NCKAP5: variants seen among roughly 807,000 people sequenced by gnomAD.
The protein encoded by NCKAP5 is nck-associated protein 5.
A neutral mutation model predicts 167.0 loss-of-function variants in NCKAP5; 92 were observed. The ratio of observed to expected loss-of-function variants is 0.55; its 90% CI spans 0.47 to 0.66. The LOEUF (loss-of-function observed/expected upper bound fraction) is 0.66. NCKAP5 is among the 30% of genes least tolerant of loss of function. NCKAP5 has a pLI of 0.00. For missense variants in NCKAP5, 2,378 were observed against 2,315.0 expected (o/e 1.03, Z -0.56); for synonymous variants, 891 against 877.4 (o/e 1.02, Z -0.27).
chr2:132,704,749 C>G (rs890203190), intron 19 of NCKAP5, among the ~76,000 whole-genome samples: 1 of 152,196 alleles, frequency 6.6e-6, no homozygotes, highest in Non-Finnish European at 1.5e-5. Flanking sequence ...CTTAACTCCA[C>G]TGCCCCTCTC....
chr2:133,594,253 G>T, the NCKAP5 span, among the ~76,000 whole-genome samples: 2 of 152,206 alleles, frequency 1.3e-5, no homozygotes, highest in Admixed American at 1.3e-4. Flanking sequence ...GTGTGTGGCT[G>T]ACTCTCGACT....
chr2:133,362,748 T>TTTG lies in NCKAP5; in HGVS notation c.70-59641_70-59639dup, dbSNP rs80322357. Among the ~76,000 whole-genome samples, 340 of 151,286 alleles carry TTTG rather than the reference T, an allele frequency of 2.2e-3. 3 individuals carry two copies. The highest frequency in any genetic ancestry group is 3.4e-3 in the Middle Eastern group (1 of 292). ...AGCCAGATATGTAATCATGTATTTCTTTGTTGTTGTTGTTGTTGTTGTTGA... is the reference window on the plus strand; with the variant it reads ...AGCCAGATATGTAATCATGTATTTCTTTGTTGTTGTTGTTGTTGTTGTTGTTGA... On this transcript the variant is annotated intron_variant, in intron 3 of 19. Coordinates refer to ENST00000409261, the MANE Select transcript of NCKAP5 (RefSeq NM_207363.3).
At chr2:133,340,187 G>T (rs1430787777) in intron 3 of NCKAP5, among the ~76,000 whole-genome samples, 1 of 152,208 alleles carries the variant, frequency 6.6e-6, no homozygotes, top group Non-Finnish European at 1.5e-5. Context: ...CACAGCAGTA[G>T]CAAGTTATTC....
chr2:132,828,127 C>T (rs576182025), intron 11 of NCKAP5, among the ~76,000 whole-genome samples: 1 of 152,258 alleles, frequency 6.6e-6, no homozygotes, highest in East Asian at 1.9e-4. Flanking sequence ...ACAGTCCTCG[C>T]CAGACTGAAT....
intron 2 of NCKAP5, among the ~76,000 whole-genome samples, chr2:133,538,206 C>T (rs1685906842): frequency 6.6e-6 from 1 of 152,098 alleles, no homozygotes; most frequent in Non-Finnish European, 1.5e-5. Context: ...ATTATGCTAA[C>T]ATTGTTGAAG....
chr2:133,286,176 T>G (rs984903201), intron 4 of NCKAP5, among the ~76,000 whole-genome samples: 2 of 152,054 alleles, frequency 1.3e-5, no homozygotes, highest in Non-Finnish European at 2.9e-5. Context: ...TTTTTGTATT[T>G]TTTAGTAGAG....
At chr2:133,151,419 C>G (rs962634462) in intron 5 of NCKAP5, among the ~76,000 whole-genome samples, 3 of 151,896 alleles carry the variant, frequency 2.0e-5, no homozygotes, top group African/African-American at 7.3e-5. Context: ...GATGGGTATA[C>G]AAAATATACA....
Position 133,367,739 on chromosome 2 carries a change from G to T in NCKAP5, c.70-64629C>A, listed in dbSNP as rs140825238. 5.5e-3 allele frequency among the ~76,000 whole-genome samples: 835 copies of T among 152,184 alleles called. 11 individuals are homozygous for T. The highest frequency in any genetic ancestry group is 0.019 in the African/African-American group (779 of 41,508). ...TCAAATACATTAATAGTTCTGAAGT[G>T]AGTCATATAAAAATTCACACTAGAT... is the stretch of plus-strand genomic sequence containing the variant. On this transcript the variant is annotated intron_variant, in intron 3 of 19. Coordinates refer to ENST00000409261, the MANE Select transcript of NCKAP5 (RefSeq NM_207363.3).
At chr2:132,733,273 G>T (rs773630516) in intron 16 of NCKAP5, among the ~76,000 whole-genome samples, 1 of 152,164 alleles carries the variant, frequency 6.6e-6, no homozygotes, top group Non-Finnish European at 1.5e-5. Context: ...CATCTTAGAA[G>T]CATCTTACAA....
At chr2:133,432,263 CTCAT>C (rs1257039327) in intron 3 of NCKAP5, among the ~76,000 whole-genome samples, 6 of 152,124 alleles carry the variant, frequency 3.9e-5, no homozygotes, top group African/African-American at 1.4e-4. Flanking sequence ...ATAAAAATTG[CTCAT>C]TCATTATTAA....
intron 6 of NCKAP5, among the ~76,000 whole-genome samples, chr2:133,125,888 C>T (rs1478396554): frequency 6.6e-6 from 1 of 151,784 alleles, no homozygotes; most frequent in Non-Finnish European, 1.5e-5. Flanking sequence ...CATTTCTGAT[C>T]ATTATAGCCT....
At chr2:132,950,253 G>C (rs1193420248) in intron 8 of NCKAP5, among the ~76,000 whole-genome samples, 1 of 152,022 alleles carries the variant, frequency 6.6e-6, no homozygotes. Flanking sequence ...TCAGATAAAT[G>C]TCTTTTTATA....
intron 3 of NCKAP5, among the ~76,000 whole-genome samples, chr2:133,336,684 T>C (rs2150747487): frequency 6.6e-6 from 1 of 152,328 alleles, no homozygotes; most frequent in African/African-American, 2.4e-5. Flanking sequence ...GTAGTCTCAA[T>C]TCCAGCTCCG....
intron 2 of NCKAP5, among the ~76,000 whole-genome samples, chr2:133,545,119 G>A (rs565536072): frequency 3.9e-5 from 6 of 152,134 alleles, no homozygotes; most frequent in African/African-American, 1.4e-4. Context: ...ACACTCAAAA[G>A]GAAAGAGATG....
In NCKAP5 at chr2:133,106,166, G is replaced by A. The variant is rs185449863; in HGVS notation, c.341+23812C>T. Among the ~76,000 whole-genome samples, 794 of 146,968 alleles carry A rather than the reference G, an allele frequency of 5.4e-3. 17 individuals carry two copies. The highest frequency in any genetic ancestry group is 0.019 in the African/African-American group (745 of 40,118). On this transcript the variant is annotated intron_variant, in intron 6 of 19. Transcript: ENST00000409261. ...AAATTAGCCAGGAGTGGTGGCAGGC[G>A]CCTGTAGTCCCAGCTACTCGGGAGG...
the NCKAP5 span, among the ~76,000 whole-genome samples, chr2:133,643,880 C>T: frequency 6.6e-6 from 1 of 152,158 alleles, no homozygotes; most frequent in African/African-American, 2.4e-5. Flanking sequence ...GCTTCCTCTA[C>T]CTAGAAAACA....
chr2:133,371,059 A>T (rs1261342311), intron 3 of NCKAP5, among the ~76,000 whole-genome samples: 3 of 152,198 alleles, frequency 2.0e-5, no homozygotes, highest in African/African-American at 7.2e-5. Flanking sequence ...TTTGCTTCTC[A>T]ACATAAGGTC....
At chr2:132,864,258 A>G (rs185682010) in intron 10 of NCKAP5, among the ~76,000 whole-genome samples, 83 of 152,280 alleles carry the variant, frequency 5.5e-4, no homozygotes, top group Admixed American at 2.0e-3. Context: ...CACTGAAAAT[A>G]TAAGATTGTG....
At chr2:133,292,734 T>TG (rs1369427458) in intron 4 of NCKAP5, among the ~76,000 whole-genome samples, 1 of 152,176 alleles carries the variant, frequency 6.6e-6, no homozygotes, top group African/African-American at 2.4e-5. Flanking sequence ...AAGTCATGTA[T>TG]GGGCCTACTT....
Sources: allele counts gnomAD v4.1 joint callset (sites outside exome capture counted in the v4.1 genomes callset), GRCh38; gene constraint gnomAD v4.1.1; transcripts MANE v1.5; gene names NCBI Gene and HGNC (gene_info 2026-07-23, HGNC 2026-07-21).